Variants in DCUN1D1 observed in about 807,000 individuals in gnomAD.
The protein encoded by DCUN1D1 is DCN1-like protein 1.
Under a neutral mutation model 39.0 loss-of-function variants are expected in DCUN1D1, and 3 were observed. That is an observed-to-expected ratio of 0.08 (90% CI 0.04 to 0.20). The LOEUF (loss-of-function observed/expected upper bound fraction) is 0.20, where lower values mean the gene tolerates loss of function less well. Ranked by LOEUF, DCUN1D1 falls within the 10% of genes least tolerant of loss-of-function variation. DCUN1D1 has a pLI of 1.00. For missense variants in DCUN1D1, 158 were observed against 302.4 expected (o/e 0.52, Z 3.54); for synonymous variants, 82 against 96.3 (o/e 0.85, Z 0.87).
At chr3:182,976,404 C>T (rs1728240457) in intron 1 of DCUN1D1, among the ~76,000 whole-genome samples, 2 of 151,126 alleles carry the variant, frequency 1.3e-5, no homozygotes, top group African/African-American at 4.9e-5. Flanking sequence ...CTCATCTGCT[C>T]CAACGACCCC....
At chr3:182,947,711 C>G in intron 4 of DCUN1D1, 79 bp from the exon 5 acceptor site, 1 of 815,558 alleles carries the variant, frequency 1.2e-6, no homozygotes, top group Non-Finnish European at 2.0e-6. Flanking sequence ...AACAAAAAAA[C>G]AGGTATGACC....
chr3:182,967,147 T>TATATATACATATATATATATATATAC (rs1727712037), intron 1 of DCUN1D1, among the ~76,000 whole-genome samples: 1 of 149,520 alleles, frequency 6.7e-6, no homozygotes, highest in African/African-American at 2.5e-5. Flanking sequence ...TATATATATA[T>TATATATACATATATATATATATATAC]ATATATATAT....
At chr3:182,961,090 G>A (rs897261195) in intron 4 of DCUN1D1, 136 bp downstream of exon 4, 31 of 652,634 alleles carry the variant, frequency 4.7e-5, no homozygotes, top group Admixed American at 1.6e-4. Flanking sequence ...AAAATTTCCT[G>A]TTTCTAATTA....
chr3:182,944,888 GC>G lies in DCUN1D1; in HGVS notation c.*205del. On this transcript the variant is annotated 3_prime_UTR_variant, in exon 7 of 7. Coordinates refer to ENST00000292782, the MANE Select transcript of DCUN1D1 (RefSeq NM_020640.4). ...GTTGGAATTATAAATGTTTAGAGCG[GC>G]CCAGACTAGAAGACAAGCCCAAACC... The G allele has an allele frequency of 1.9e-6, 1 of 513,852 alleles. No individual in the cohort carries two copies. Among genetic ancestry groups the G allele is most frequent in the Non-Finnish European group, 3.4e-6 (1 of 289,870 alleles). 31.8% of individuals were successfully genotyped at this position (513,852 alleles called of 1,614,324 possible).
chr3:182,968,167 C>T (rs1249916294), intron 1 of DCUN1D1, among the ~76,000 whole-genome samples: 2 of 152,182 alleles, frequency 1.3e-5, no homozygotes, highest in East Asian at 3.9e-4. Context: ...CCTCAGCCTC[C>T]CAAAGTGCTG....
rs937881543 is a variant in DCUN1D1, at chr3:182,942,266, T to C, written c.*2828A>G. On this transcript the variant is annotated 3_prime_UTR_variant, in exon 7 of 7. Coordinates refer to ENST00000292782, the MANE Select transcript of DCUN1D1 (RefSeq NM_020640.4). ...GTCTTTTCTCCCCAAAACATGCCAT[T>C]ACAATGCTCTTTCCATGAATAATTA... 9.2e-5 allele frequency: 14 copies of C among 152,134 alleles called. No individual in the cohort carries two copies. The highest frequency in any genetic ancestry group is 3.4e-4 in the African/African-American group (14 of 41,442). The allele number at this position is 152,134 out of a possible 1,614,324, so 9.4% of individuals were successfully genotyped here. A position where few individuals can be genotyped will look rare whatever the true frequency, so the allele number is the denominator to read the frequency against.
At chr3:182,966,001 G>A (rs374958542) in intron 1 of DCUN1D1, among the ~76,000 whole-genome samples, 147 of 152,164 alleles carry the variant, frequency 9.7e-4, no homozygotes, top group African/African-American at 3.2e-3. Context: ...ACCACCCAGC[G>A]TTTCTCCTAC....
At chr3:182,974,343 T>C (rs768865354) in intron 1 of DCUN1D1, among the ~76,000 whole-genome samples, 3 of 152,216 alleles carry the variant, frequency 2.0e-5, no homozygotes, top group Non-Finnish European at 4.4e-5. Flanking sequence ...TTAGTCATCA[T>C]ATCGCAATTG....
intron 6 of DCUN1D1, among the ~76,000 whole-genome samples, chr3:182,947,013 G>A (rs1000207386): frequency 3.9e-5 from 6 of 152,070 alleles, no homozygotes; most frequent in Non-Finnish European, 7.4e-5. Flanking sequence ...GAGGCAGGAG[G>A]ACTGCTGAGC....
chr3:182,977,214 A>G (rs1422423967), intron 1 of DCUN1D1, among the ~76,000 whole-genome samples: 4 of 152,172 alleles, frequency 2.6e-5, no homozygotes, highest in Non-Finnish European at 5.9e-5. Flanking sequence ...GCAACCAACA[A>G]TCCTGCAAAC....
intron 4 of DCUN1D1, among the ~76,000 whole-genome samples, chr3:182,949,714 C>T (rs1726609212): frequency 6.6e-6 from 1 of 152,144 alleles, no homozygotes; most frequent in Non-Finnish European, 1.5e-5. Flanking sequence ...GGTGACATCT[C>T]TTAAAAACAA....
chr3:182,976,009 T>C (rs1009802281), intron 1 of DCUN1D1, among the ~76,000 whole-genome samples: 1 of 152,156 alleles, frequency 6.6e-6, no homozygotes, highest in Non-Finnish European at 1.5e-5. Context: ...TTTCTGCATA[T>C]AGTCACTGAA....
chr3:182,965,612 C>A lies in DCUN1D1; in HGVS notation c.145G>T (p.Glu49Ter). 6.2e-7 allele frequency: 1 copy of A among 1,613,760 alleles called. No homozygotes were observed. Among genetic ancestry groups the A allele is most frequent in the South Asian group, 1.1e-5 (1 of 91,070 alleles). Residue 49 changes from glutamate to a stop codon, truncating the protein, a stop_gained, in exon 2 of 7, where the codon GAA (glutamate) becomes TAA (stop). Transcript: ENST00000292782. LOFTEE classifies it high-confidence loss of function. ...TTTACACTCTCTCGTATATAAAGTT[C>A]AGGATTTTGGAAAAAATTATCTGTT... ...VATDNFFQNP[E>*]LYIRESVKGS...
chr3:182,948,389 C>T (rs940021553), intron 4 of DCUN1D1, among the ~76,000 whole-genome samples: 4 of 152,002 alleles, frequency 2.6e-5, no homozygotes, highest in Non-Finnish European at 1.5e-5. Flanking sequence ...GCAATAATGC[C>T]GCATAAGAAA....
intron 4 of DCUN1D1, among the ~76,000 whole-genome samples, chr3:182,947,906 T>C (rs775774691): frequency 3.9e-5 from 6 of 152,230 alleles, no homozygotes; most frequent in Non-Finnish European, 7.3e-5. Flanking sequence ...CAGTTAAACA[T>C]AGTAGCTCAC....
chr3:182,970,311 A>G (rs926560156), intron 1 of DCUN1D1, among the ~76,000 whole-genome samples: 1 of 152,214 alleles, frequency 6.6e-6, no homozygotes, highest in Non-Finnish European at 1.5e-5. Flanking sequence ...ATTTTAAATA[A>G]TAGTTTATCT....
At chr3:182,974,544 CATACT>C (rs1448991953) in intron 1 of DCUN1D1, among the ~76,000 whole-genome samples, 1 of 149,642 alleles carries the variant, frequency 6.7e-6, no homozygotes, top group East Asian at 1.9e-4. Flanking sequence ...TAAGTTCTAA[CATACT>C]ATATTTGTTT....
At chr3:182,955,436 T>C (rs541579726) in intron 4 of DCUN1D1, 21 of 541,658 alleles carry the variant, frequency 3.9e-5, no homozygotes, top group South Asian at 1.7e-4. Flanking sequence ...TTCAAGTTCA[T>C]AGGCACATGG....
Position 182,963,072 on chromosome 3 carries a change from G to A in DCUN1D1, c.389+809C>T, listed in dbSNP as rs554670146. 7.3e-4 allele frequency among the ~76,000 whole-genome samples: 111 copies of A among 152,118 alleles called. 1 individual carries two copies. Among genetic ancestry groups the A allele is most frequent in the Non-Finnish European group, 1.2e-3 (83 of 68,034 alleles). On this transcript the variant is annotated intron_variant, in intron 3 of 6. Transcript: ENST00000292782. ...TGGAACTACAGGCATGAGCCACCGC[G>A]CCTAGCCCCTGGTGTGGTTTTTGTA...
Sources: gnomAD v4.1 joint callset for allele counts (sites outside exome capture counted in the v4.1 genomes callset) on GRCh38, gnomAD v4.1.1 for gene constraint, MANE v1.5 for transcripts, NCBI Gene and HGNC (gene_info 2026-07-23, HGNC 2026-07-21) for gene names.